SMIM10L3: variants seen among roughly 807,000 people sequenced by gnomAD.
SMIM10L3 encodes salivary gland specific protein SAGSIN1.
chr7:6,342,413 T>A, the SMIM10L3 span, among the ~76,000 whole-genome samples: 1 of 151,732 alleles, frequency 6.6e-6, no homozygotes, highest in Admixed American at 6.6e-5. Context: ...GGCATGGTGG[T>A]AGGCACCTGT....
At chr7:6,335,431 G>A in the SMIM10L3 span, among the ~76,000 whole-genome samples, 147 of 151,084 alleles carry the variant, frequency 9.7e-4, no homozygotes, top group African/African-American at 3.4e-3. Flanking sequence ...GTTTCGCTAT[G>A]TTGCCAGGCT....
chr7:6,334,312 G>T, the SMIM10L3 span, among the ~76,000 whole-genome samples: 2 of 151,320 alleles, frequency 1.3e-5, no homozygotes, highest in East Asian at 2.1e-4. Flanking sequence ...TAGCTGGGTG[G>T]ATCACCTGAG....
At chr7:6,340,051 AT>A in the SMIM10L3 span, among the ~76,000 whole-genome samples, 1 of 151,732 alleles carries the variant, frequency 6.6e-6, no homozygotes, top group African/African-American at 2.4e-5. Flanking sequence ...CACCCAGCTA[AT>A]TTTTGTATTT....
the SMIM10L3 span, among the ~76,000 whole-genome samples, chr7:6,339,673 CAG>C: frequency 2.6e-5 from 4 of 151,868 alleles, no homozygotes; most frequent in South Asian, 8.3e-4. Flanking sequence ...TTAGTAGAGA[CAG>C]GGTTTCACCA....
chr7:6,348,790 C>T, the SMIM10L3 span: 1 of 397,082 alleles, frequency 2.5e-6, no homozygotes, highest in Non-Finnish European at 4.4e-6. Context: ...GCCCCCCCGC[C>T]CGCCCTCTCC....
the SMIM10L3 span, among the ~76,000 whole-genome samples, chr7:6,344,916 A>AT: frequency 6.7e-6 from 1 of 149,402 alleles, no homozygotes. Context: ...TAATTTTTGT[A>AT]TTTTAGTAGA....
chr7:6,347,907 A>ATTT, the SMIM10L3 span, among the ~76,000 whole-genome samples: 4 of 146,164 alleles, frequency 2.7e-5, no homozygotes. Context: ...TATTATTATT[A>ATTT]TTATTATTAT....
At chr7:6,336,704 A>G in the SMIM10L3 span, among the ~76,000 whole-genome samples, 1 of 148,358 alleles carries the variant, frequency 6.7e-6, no homozygotes, top group Non-Finnish European at 1.5e-5. Flanking sequence ...AAAAAGCTGG[A>G]GTGCAATGGC....
At chr7:6,346,918 G>T in the SMIM10L3 span, among the ~76,000 whole-genome samples, 1 of 152,172 alleles carries the variant, frequency 6.6e-6, no homozygotes, top group Non-Finnish European at 1.5e-5. Flanking sequence ...CTCCCCAAAG[G>T]AGGGTCCCTC....
At chr7:6,340,230 ATCTTCTCTGACTAC>A in the SMIM10L3 span, among the ~76,000 whole-genome samples, 9 of 152,112 alleles carry the variant, frequency 5.9e-5, no homozygotes, top group African/African-American at 2.2e-4. Context: ...AGCAGCCAGA[ATCTTCTCTGACTAC>A]TCTTCTCTGA....
At chr7:6,345,717 T>C in the SMIM10L3 span, among the ~76,000 whole-genome samples, 1 of 152,088 alleles carries the variant, frequency 6.6e-6, no homozygotes, top group East Asian at 1.9e-4. Flanking sequence ...TAGACACTTT[T>C]TGTTTTGCCC....
the SMIM10L3 span, among the ~76,000 whole-genome samples, chr7:6,341,432 ACT>A: frequency 2.7e-5 from 4 of 150,312 alleles, no homozygotes; most frequent in African/African-American, 7.4e-5. Context: ...ACAGAGCAAG[ACT>A]CTGTCTCAAA....
chr7:6,343,036 CA>C, the SMIM10L3 span, among the ~76,000 whole-genome samples: 56 of 98,962 alleles, frequency 5.7e-4, no homozygotes, highest in Middle Eastern at 6.3e-3. Flanking sequence ...GACGCTTTCT[CA>C]AAAAAAAAAA....
the SMIM10L3 span, among the ~76,000 whole-genome samples, chr7:6,334,136 G>A: frequency 5.0e-3 from 758 of 151,134 alleles, 3 homozygotes; most frequent in African/African-American, 0.012. Flanking sequence ...GTGAGCCACC[G>A]CACCCAGCCG....
At chr7:6,330,808 C>T in the SMIM10L3 span, 106 of 1,614,156 alleles carry the variant, frequency 6.6e-5, no homozygotes, top group African/African-American at 8.4e-4. Flanking sequence ...GCAGGACACC[C>T]GAGCAAAACA....
the SMIM10L3 span, among the ~76,000 whole-genome samples, chr7:6,339,833 G>A: frequency 5.0e-3 from 763 of 151,832 alleles, 30 homozygotes; most frequent in East Asian, 0.1. Flanking sequence ...TCACAGGTGC[G>A]ATCACAAGGA....
chr7:6,330,195 A>G, the SMIM10L3 span: 10 of 638,812 alleles, frequency 1.6e-5, no homozygotes, highest in Non-Finnish European at 2.7e-5. Context: ...ACATGCCAAA[A>G]AAGTTCCTTC....
the SMIM10L3 span, among the ~76,000 whole-genome samples, chr7:6,339,515 G>A: frequency 3.8e-4 from 57 of 150,546 alleles, no homozygotes; most frequent in African/African-American, 1.2e-3. Flanking sequence ...ACGGAGTCTC[G>A]CTCTGTCGCC....
chr7:6,330,330 A>G, the SMIM10L3 span: 1 of 1,541,516 alleles, frequency 6.5e-7, no homozygotes, highest in Non-Finnish European at 8.8e-7. Flanking sequence ...AATCATTCTA[A>G]GACAACTCTT....
Sources: gnomAD v4.1 joint callset for allele counts (sites outside exome capture counted in the v4.1 genomes callset) on GRCh38, gnomAD v4.1.1 for gene constraint, MANE v1.5 for transcripts, NCBI Gene and HGNC (gene_info 2026-07-23, HGNC 2026-07-21) for gene names.